NALF1: variants seen among roughly 807,000 people sequenced by gnomAD.
The protein encoded by NALF1 is family with sequence similarity 155 member A.
Under a neutral mutation model 48.4 loss-of-function variants are expected in NALF1, and 3 were observed. The ratio of observed to expected loss-of-function variants is 0.06; its 90% CI spans 0.03 to 0.16. NALF1 has a LOEUF of 0.16. NALF1 is among the 10% of genes least tolerant of loss of function. The pLI is 1.00. For synonymous variants in NALF1, 262 were observed against 245.7 expected, an observed-to-expected ratio of 1.07 and a Z score of -0.62; for missense variants, 526 against 571.5, an observed-to-expected ratio of 0.92 and a Z score of 0.81.
chr13:107,518,857 G>A (rs762112619), intron 1 of NALF1, among the ~76,000 whole-genome samples: 30 of 152,130 alleles, frequency 2.0e-4, no homozygotes, highest in Non-Finnish European at 3.8e-4. Flanking sequence ...AGAACTGAAC[G>A]AGATAACAAG....
At chr13:107,387,097 G>T (rs1883543657) in intron 1 of NALF1, among the ~76,000 whole-genome samples, 1 of 152,174 alleles carries the variant, frequency 6.6e-6, no homozygotes, top group South Asian at 2.1e-4. Context: ...ATGATGGGTA[G>T]ATGCATCCCT....
chr13:107,848,743 A>G (rs1213844500), intron 1 of NALF1, among the ~76,000 whole-genome samples: 1 of 152,190 alleles, frequency 6.6e-6, no homozygotes. Context: ...AATATTTCTC[A>G]TAACTCTTCA....
At chr13:107,675,801 A>T (rs984234163) in intron 1 of NALF1, among the ~76,000 whole-genome samples, 1 of 152,212 alleles carries the variant, frequency 6.6e-6, no homozygotes, top group Admixed American at 6.5e-5. Flanking sequence ...TCACTATTAT[A>T]GAGCCAATCC....
At chr13:107,860,756 G>A (rs952489072) in intron 1 of NALF1, among the ~76,000 whole-genome samples, 2 of 152,152 alleles carry the variant, frequency 1.3e-5, no homozygotes, top group African/African-American at 4.8e-5. Flanking sequence ...AATCAAAATA[G>A]TCTTTTGTTT....
chr13:107,418,698 T>C (rs906438484), intron 1 of NALF1, among the ~76,000 whole-genome samples: 2 of 152,060 alleles, frequency 1.3e-5, no homozygotes, highest in African/African-American at 4.8e-5. Context: ...CCCTCACTCC[T>C]CTCTCACCCT....
At chr13:107,191,474 T>C (rs1272201210) in intron 2 of NALF1, among the ~76,000 whole-genome samples, 1 of 152,120 alleles carries the variant, frequency 6.6e-6, no homozygotes, top group Non-Finnish European at 1.5e-5. Flanking sequence ...TATCTGAAAG[T>C]CTTGGAAGAC....
chr13:107,382,346 C>T (rs140980328), intron 1 of NALF1, among the ~76,000 whole-genome samples: 8 of 152,276 alleles, frequency 5.3e-5, no homozygotes, highest in Admixed American at 5.2e-4. Flanking sequence ...AGGGGTTTGG[C>T]TAAATATTCT....
intron 1 of NALF1, among the ~76,000 whole-genome samples, chr13:107,365,670 T>C (rs1341765817): frequency 6.6e-6 from 1 of 152,206 alleles, no homozygotes; most frequent in Non-Finnish European, 1.5e-5. Flanking sequence ...TAATAAGTAG[T>C]ATCCCTGTAA....
chr13:107,742,482 T>C (rs1876668415), intron 1 of NALF1, among the ~76,000 whole-genome samples: 1 of 152,194 alleles, frequency 6.6e-6, no homozygotes, highest in African/African-American at 2.4e-5. Flanking sequence ...CAAGATCTGA[T>C]TGCTTTATAA....
intron 1 of NALF1, among the ~76,000 whole-genome samples, chr13:107,748,195 C>T (rs1290157477): frequency 1.3e-5 from 2 of 152,128 alleles, no homozygotes; most frequent in South Asian, 4.1e-4. Flanking sequence ...AAGCAGGGAA[C>T]TCTTACCAAG....
chr13:107,644,654 T>TATATATATATATATATATATATAG (rs1880261650), intron 1 of NALF1, among the ~76,000 whole-genome samples: 1 of 142,394 alleles, frequency 7.0e-6, no homozygotes, highest in Non-Finnish European at 1.5e-5. Context: ...TACATATATA[T>TATATATATATATATATATATATAG]ATATATATAT....
intron 1 of NALF1, among the ~76,000 whole-genome samples, chr13:107,844,431 A>G (rs999435165): frequency 1.3e-5 from 2 of 152,194 alleles, no homozygotes; most frequent in Admixed American, 6.6e-5. Flanking sequence ...ATATACTTCA[A>G]TGAAGTTTTA....
intron 1 of NALF1, among the ~76,000 whole-genome samples, chr13:107,756,703 G>C (rs1203125341): frequency 6.6e-6 from 1 of 152,050 alleles, no homozygotes; most frequent in African/African-American, 2.4e-5. Flanking sequence ...GCACGTCATG[G>C]GTCGGAGGCC....
intron 1 of NALF1, among the ~76,000 whole-genome samples, chr13:107,813,116 G>A (rs539287722): frequency 1.1e-4 from 16 of 152,174 alleles, no homozygotes; most frequent in African/African-American, 3.9e-4. Context: ...AAGAAGATTA[G>A]CAAGTTTCTT....
rs552525860 is a variant in NALF1 at position 107,730,654 on chromosome 13, T to C, written c.915+135028A>G. Among the ~76,000 whole-genome samples the C allele has an allele frequency of 7.7e-4, 118 of 152,306 alleles. 1 individual carries two copies. Among genetic ancestry groups the C allele is most frequent in the Non-Finnish European group, 1.3e-3 (86 of 68,010 alleles). On this transcript the variant is annotated intron_variant, in intron 1 of 2. Transcript: ENST00000375915. ...CAATTTTTACATCACATGGAAGTCA[T>C]TTTCTATGTACTTTTCAATAAAAAA...
At chr13:107,818,177 G>A (rs16971201) in intron 1 of NALF1, among the ~76,000 whole-genome samples, 8,060 of 152,200 alleles carry the variant, frequency 0.053, 403 homozygotes, top group African/African-American at 0.13. Context: ...ATTAATCTTA[G>A]GGGAACATCT....
At chr13:107,340,522 CTCTTTT>C (rs1882660489) in intron 1 of NALF1, among the ~76,000 whole-genome samples, 1 of 131,616 alleles carries the variant, frequency 7.6e-6, no homozygotes, top group Non-Finnish European at 1.6e-5. Flanking sequence ...TTCTTTCTCT[CTCTTTT>C]TTTTTTTAAT....
At chr13:107,634,010 A>G (rs1879908219) in intron 1 of NALF1, among the ~76,000 whole-genome samples, 1 of 130,192 alleles carries the variant, frequency 7.7e-6, no homozygotes, top group African/African-American at 2.5e-5. Flanking sequence ...TTTAGATACT[A>G]TTATGTGCAG....
intron 1 of NALF1, among the ~76,000 whole-genome samples, chr13:107,437,869 A>T (rs1884488469): frequency 6.6e-6 from 1 of 152,216 alleles, no homozygotes; most frequent in Non-Finnish European, 1.5e-5. Flanking sequence ...ACAGAAAGGG[A>T]GAGAGAGCAA....
Sources: allele counts gnomAD v4.1 joint callset (sites outside exome capture counted in the v4.1 genomes callset), GRCh38; gene constraint gnomAD v4.1.1; transcripts MANE v1.5; gene names NCBI Gene and HGNC (gene_info 2026-07-23, HGNC 2026-07-21).